Variants in ARSK observed in about 807,000 individuals in gnomAD.
The protein encoded by ARSK is arylsulfatase K.
In ARSK, 37 loss-of-function variants were observed where a neutral mutation model predicts 53.2. The ratio of observed to expected loss-of-function variants is 0.70; its 90% confidence interval spans 0.54 to 0.92. The LOEUF is 0.92. Ranked by LOEUF, ARSK falls within the 40% of genes least tolerant of loss-of-function variation. The pLI is 0.00. For missense variants in ARSK, 613 were observed against 643.0 expected, an observed-to-expected ratio of 0.95 and a Z score of 0.51; for synonymous variants, 208 against 223.2, an observed-to-expected ratio of 0.93 and a Z score of 0.61.
intron 3 of ARSK, among the ~76,000 whole-genome samples, chr5:95,570,351 T>A (rs899710504): frequency 1.3e-5 from 2 of 152,368 alleles, no homozygotes; most frequent in Admixed American, 6.5e-5. Flanking sequence ...AGCTAGTTTC[T>A]CTGTGCAAAA....
chr5:95,584,330 G>T (rs1749072218), intron 4 of ARSK, among the ~76,000 whole-genome samples: 1 of 152,186 alleles, frequency 6.6e-6, no homozygotes, highest in South Asian at 2.1e-4. Flanking sequence ...TAAAGAGCTA[G>T]CAGCATATCA....
chr5:95,603,221 A>G lies in ARSK; in HGVS notation c.1322-16A>G. On this transcript the variant is annotated splice_polypyrimidine_tract_variant and intron_variant, in intron 7 of 7. Transcript: ENST00000380009. ...CAGGTCACTATTTTGACAGATACTTATTTTTTTTCTTTCAGATCTTTCCTC... is the reference window on the plus strand; with the variant it reads ...CAGGTCACTATTTTGACAGATACTTGTTTTTTTTCTTTCAGATCTTTCCTC... 1 of 1,526,586 alleles carries G rather than the reference A, an allele frequency of 6.6e-7. No homozygotes were observed. The highest frequency in any genetic ancestry group is 8.8e-7 in the Non-Finnish European group (1 of 1,140,130). The allele number at this position is 1,526,586 out of a possible 1,614,324, so 94.6% of individuals were successfully genotyped here.
At chr5:95,583,523 C>T (rs1450930586) in intron 4 of ARSK, among the ~76,000 whole-genome samples, 2 of 152,090 alleles carry the variant, frequency 1.3e-5, no homozygotes, top group Non-Finnish European at 2.9e-5. Flanking sequence ...GATGAAACCA[C>T]ATAAAACAAC....
rs763492133 is a variant in ARSK at position 95,600,898 on chromosome 5, C to T, written c.1148C>T (p.Pro383Leu). Residue 383 changes from proline to leucine, a missense_variant, in exon 7 of 8, where the codon CCG (proline) becomes CTG (leucine). Pro to Leu is a moderately conservative substitution (Grantham distance 98). Coordinates refer to ENST00000380009, the MANE Select transcript of ARSK (RefSeq NM_198150.3). ...AACCTGAGTGGATACTCTTTGTTGC[C>T]GTTATCATCAGAAACATTTAAGAAT... is the stretch of plus-strand genomic sequence containing the variant. ...PQNLSGYSLL[P>L]LSSETFKNEH... 1.7e-5 allele frequency: 27 copies of T among 1,613,918 alleles called. No individual in the cohort carries two copies. Among genetic ancestry groups the T allele is most frequent in the South Asian group, 1.5e-4 (14 of 91,082 alleles).
chr5:95,573,096 G>A (rs149171995), intron 3 of ARSK, among the ~76,000 whole-genome samples: 52 of 152,252 alleles, frequency 3.4e-4, no homozygotes, highest in African/African-American at 1.1e-3. Context: ...GAGAAAACAT[G>A]TCTAAAACTA....
intron 3 of ARSK, among the ~76,000 whole-genome samples, chr5:95,573,319 A>T (rs886174925): frequency 4.7e-4 from 71 of 152,208 alleles, no homozygotes; most frequent in Admixed American, 1.9e-3. Context: ...GGAAAATTTT[A>T]AAAACTAAAT....
chr5:95,562,022 C>G (rs1748644429), intron 1 of ARSK, among the ~76,000 whole-genome samples: 1 of 152,130 alleles, frequency 6.6e-6, no homozygotes, highest in Non-Finnish European at 1.5e-5. Flanking sequence ...CGAGACCAGC[C>G]TGGCCAACAT....
intron 1 of ARSK, chr5:95,557,010 GA>G (rs1445007072): frequency 1.4e-5 from 2 of 142,386 alleles, no homozygotes; most frequent in African/African-American, 2.6e-5. Flanking sequence ...AGTCCGTCTC[GA>G]AAAAAAAATA....
chr5:95,587,679 G>T (rs1484437241), intron 5 of ARSK, among the ~76,000 whole-genome samples: 1 of 152,178 alleles, frequency 6.6e-6, no homozygotes, highest in East Asian at 1.9e-4. Flanking sequence ...GGCTGAGGCA[G>T]GTGGATCACC....
intron 3 of ARSK, among the ~76,000 whole-genome samples, chr5:95,570,173 A>G (rs1748800544): frequency 6.6e-6 from 1 of 152,162 alleles, no homozygotes; most frequent in South Asian, 2.1e-4. Flanking sequence ...TTTTCTCTTC[A>G]GGTTAGTTAA....
In ARSK at chr5:95,586,613, C is replaced by T. The variant is rs765274466; in HGVS notation, c.751C>T (p.His251Tyr). 9 of 1,611,996 alleles carry T rather than the reference C, an allele frequency of 5.6e-6. No individual in the cohort carries two copies. The Admixed American group carries it at 6.7e-5, about 12-fold the overall frequency. The change falls in exon 5 of 8, where the codon CAC becomes TAC. Residue 251 changes from histidine (H) to tyrosine (Y), a missense_variant. Transcript: ENST00000380009. ...AAAGTGGTCACCTTTGTCAGAAATG[C>T]ACCCTGTAGATTATTACTCTTCTTA... ...IPKWSPLSEM[H>Y]PVDYYSSYTK... is the part of the protein sequence containing the mutation.
chr5:95,597,157 A>C (rs1304848648), intron 6 of ARSK, among the ~76,000 whole-genome samples: 1 of 152,052 alleles, frequency 6.6e-6, no homozygotes, highest in Non-Finnish European at 1.5e-5. Flanking sequence ...TTGTAGTTAA[A>C]ATTGTTTTGA....
intron 5 of ARSK, among the ~76,000 whole-genome samples, chr5:95,590,216 T>C (rs1749188803): frequency 6.6e-6 from 1 of 152,092 alleles, no homozygotes; most frequent in Non-Finnish European, 1.5e-5. Flanking sequence ...ATTTGTCAAG[T>C]AGACTGTGGG....
At chr5:95,583,281 A>C in intron 4 of ARSK, 83 bp downstream of exon 4, 1 of 1,269,030 alleles carries the variant, frequency 7.9e-7, no homozygotes, top group Non-Finnish European at 1.0e-6. Flanking sequence ...TTTTATTATC[A>C]CTTTTAAAGA....
intron 3 of ARSK, among the ~76,000 whole-genome samples, chr5:95,576,932 T>C (rs780325995): frequency 5.9e-5 from 9 of 152,234 alleles, no homozygotes; most frequent in Non-Finnish European, 8.8e-5. Flanking sequence ...GCCTAACTTA[T>C]ATTTCATGCA....
Position 95,555,550 on chromosome 5 carries a change from G to A in ARSK, c.126+146G>A. The A allele has an allele frequency of 1.2e-6, 1 of 837,016 alleles. No individual in the cohort carries two copies. Among genetic ancestry groups the A allele is most frequent in the Non-Finnish European group, 1.7e-6 (1 of 575,624 alleles). The allele number at this position is 837,016 out of a possible 1,614,324, so 51.8% of individuals were successfully genotyped here. ...ATGCAAAGAAAGAAATACATTTTAT[G>A]TGAGGCCCCGTGTACTCACACGTAC... On this transcript the variant is annotated intron_variant, in intron 1 of 7. Transcript: ENST00000380009. The surrounding 1 kb of genome is among the most constrained non-coding windows in gnomAD (Gnocchi z 4.0).
In ARSK at chr5:95,604,532, T is replaced by G. The variant is rs1749468466; in HGVS notation, c.*1006T>G. The G allele has an allele frequency of 1.3e-5, 2 of 152,074 alleles. No individual in the cohort carries two copies. Among genetic ancestry groups the G allele is most frequent in the Admixed American group, 1.3e-4 (2 of 15,272 alleles). The allele number at this position is 152,074 out of a possible 1,614,324, so 9.4% of individuals were successfully genotyped here. ...TGCACACATTGTTCTGCATGTTGCT[T>G]CTTTTTCCTTTTTTTTTTCACTTAA... is the stretch of plus-strand genomic sequence containing the variant. On this transcript the variant is annotated 3_prime_UTR_variant, in exon 8 of 8. Transcript: ENST00000380009.
chr5:95,583,406 C>T lies in ARSK; in HGVS notation c.699+208C>T, dbSNP rs569754788. 1.1e-4 allele frequency among the ~76,000 whole-genome samples: 17 copies of T among 152,176 alleles called. No homozygotes were observed. The South Asian group carries it at 2.9e-3, about 26-fold the overall frequency. ...CAGAAGCCTGCTTCTGGATTGAATTCATTTGCTAAGGATATGTCTATAAAC... is the reference window on the plus strand; with the variant it reads ...CAGAAGCCTGCTTCTGGATTGAATTTATTTGCTAAGGATATGTCTATAAAC... On this transcript the variant is annotated intron_variant, in intron 4 of 7. Coordinates refer to ENST00000380009, the MANE Select transcript of ARSK (RefSeq NM_198150.3).
chr5:95,590,282 C>T (rs1447552413), intron 5 of ARSK, among the ~76,000 whole-genome samples: 6 of 152,094 alleles, frequency 3.9e-5, no homozygotes, highest in Non-Finnish European at 8.8e-5. Flanking sequence ...AAAGCGTAAA[C>T]TAATATGGTG....
Sources: allele counts gnomAD v4.1 joint callset (sites outside exome capture counted in the v4.1 genomes callset), GRCh38; gene constraint gnomAD v4.1.1; non-coding constraint Gnocchi (gnomAD v3.1); transcripts MANE v1.5; gene names NCBI Gene and HGNC (gene_info 2026-07-23, HGNC 2026-07-21).